NRG1: variants seen among roughly 807,000 people sequenced by gnomAD.
NRG1 encodes pro-neuregulin-1, membrane-bound isoform.
A neutral mutation model predicts 63.8 loss-of-function variants in NRG1; 18 were observed. The observed-to-expected ratio is 0.28, with a 90% confidence interval of 0.19 to 0.42. The LOEUF is 0.42. Among genes scored for constraint, NRG1 ranks in the 10% least tolerant of loss-of-function variants. NRG1 has a pLI of 1.00. For missense variants in NRG1, 762 were observed against 814.7 expected (o/e 0.94, Z 0.79); for synonymous variants, 302 against 301.3 (o/e 1.00, Z -0.02).
chr8:31,983,628 C>T (rs1452053775), intron 1 of NRG1, among the ~76,000 whole-genome samples: 1 of 151,954 alleles, frequency 6.6e-6, no homozygotes, highest in Non-Finnish European at 1.5e-5. Context: ...GTGATGTGCT[C>T]TGCTGGGTGC....
chr8:32,330,148 C>T (rs1802480253), intron 1 of NRG1, among the ~76,000 whole-genome samples: 3 of 148,550 alleles, frequency 2.0e-5, no homozygotes. Context: ...ATCCTCCTGC[C>T]TTACCTGGGA....
chr8:32,133,477 G>A (rs1198227276), intron 1 of NRG1, among the ~76,000 whole-genome samples: 1 of 152,036 alleles, frequency 6.6e-6, no homozygotes, highest in Non-Finnish European at 1.5e-5. Context: ...TACTCACTCA[G>A]GAGCTGAGAT....
intron 1 of NRG1, among the ~76,000 whole-genome samples, chr8:31,665,816 A>C (rs1295333175): frequency 6.6e-6 from 1 of 152,074 alleles, no homozygotes; most frequent in Non-Finnish European, 1.5e-5. Flanking sequence ...CATCTGTTTA[A>C]CTTTGCTAAT....
At chr8:32,139,856 G>A (rs1836015865) in intron 1 of NRG1, among the ~76,000 whole-genome samples, 1 of 152,210 alleles carries the variant, frequency 6.6e-6, no homozygotes, top group African/African-American at 2.4e-5. Context: ...TAAGACCCAT[G>A]TAGCTGACTT....
intron 1 of NRG1, among the ~76,000 whole-genome samples, chr8:31,753,758 C>A (rs1816706810): frequency 6.6e-6 from 1 of 152,056 alleles, no homozygotes; most frequent in South Asian, 2.1e-4. Flanking sequence ...AGTTTACTTG[C>A]TCTTCTTGCC....
intron 3 of NRG1, among the ~76,000 whole-genome samples, chr8:32,608,000 A>G (rs1464568534): frequency 6.6e-6 from 1 of 152,034 alleles, no homozygotes; most frequent in Non-Finnish European, 1.5e-5. Context: ...TCATTGTATT[A>G]AAAAAGAATA....
chr8:31,924,269 T>C (rs904598237), intron 1 of NRG1, among the ~76,000 whole-genome samples: 4 of 151,890 alleles, frequency 2.6e-5, no homozygotes, highest in Non-Finnish European at 4.4e-5. Context: ...GCAGGTCGCT[T>C]GAACCCAGGA....
intron 1 of NRG1, among the ~76,000 whole-genome samples, chr8:31,893,021 T>C (rs1831273253): frequency 6.6e-6 from 1 of 151,840 alleles, no homozygotes; most frequent in Non-Finnish European, 1.5e-5. Flanking sequence ...ATGAGCTTTA[T>C]GCTGAGTAAA....
At chr8:32,698,485 C>T (rs907120700) in intron 5 of NRG1, among the ~76,000 whole-genome samples, 10 of 152,116 alleles carry the variant, frequency 6.6e-5, no homozygotes, top group African/African-American at 2.4e-4. Flanking sequence ...AAGACATAAG[C>T]ACAGCATTAA....
rs569195368 is a variant in NRG1 at position 32,470,899 on chromosome 8, G to C, written c.38-124929G>C. Among the ~76,000 whole-genome samples, 31 of 152,038 alleles carry C rather than the reference G, an allele frequency of 2.0e-4. 1 individual carries two copies. The highest frequency in any genetic ancestry group is 3.7e-4 in the Non-Finnish European group (25 of 67,978). ...TGCAGCCTCAAATTCCTGGACTCAA[G>C]CTATTTTCCCGCCTTACCTTCCTGA... is the stretch of plus-strand genomic sequence containing the variant. On this transcript the variant is annotated intron_variant, in intron 1 of 10. Coordinates refer to the NRG1 transcript ENST00000519301.
chr8:32,039,901 G>A (rs1438039085), intron 1 of NRG1, among the ~76,000 whole-genome samples: 3 of 152,024 alleles, frequency 2.0e-5, no homozygotes, highest in Admixed American at 2.0e-4. Context: ...GTGTGTGAAT[G>A]TAGTCCAAGC....
intron 3 of NRG1, among the ~76,000 whole-genome samples, chr8:32,611,263 GA>G (rs1464778283): frequency 6.6e-6 from 1 of 151,954 alleles, no homozygotes; most frequent in East Asian, 1.9e-4. Flanking sequence ...GAGATGAGCA[GA>G]AAAATATTAT....
At chr8:32,705,792 G>A (rs1287460579) in intron 5 of NRG1, among the ~76,000 whole-genome samples, 1 of 152,148 alleles carries the variant, frequency 6.6e-6, no homozygotes, top group Admixed American at 6.5e-5. Context: ...CTTCAAGGTT[G>A]GAAGATGAAT....
At chr8:32,187,090 T>A (rs919714903) in intron 1 of NRG1, among the ~76,000 whole-genome samples, 1 of 152,202 alleles carries the variant, frequency 6.6e-6, no homozygotes, top group African/African-American at 2.4e-5. Context: ...TAACAGGACA[T>A]CCATGGCTGT....
At chr8:32,188,499 G>T (rs1193614878) in intron 1 of NRG1, among the ~76,000 whole-genome samples, 1 of 152,192 alleles carries the variant, frequency 6.6e-6, no homozygotes, top group Non-Finnish European at 1.5e-5. Flanking sequence ...GCATGGCGAA[G>T]GGGAAGGGAG....
chr8:32,737,994 T>C (rs80125462), intron 6 of NRG1, among the ~76,000 whole-genome samples: 1,563 of 152,130 alleles, frequency 0.01, 27 homozygotes, highest in African/African-American at 0.036. Flanking sequence ...TTTGATACAA[T>C]TGTGGATCAG....
intron 1 of NRG1, among the ~76,000 whole-genome samples, chr8:32,021,633 T>C (rs1056101996): frequency 1.3e-5 from 2 of 152,098 alleles, no homozygotes; most frequent in African/African-American, 4.8e-5. Context: ...GCTCTACTAA[T>C]GTGTAACCAG....
chr8:32,540,727 A>G (rs1588174648), intron 1 of NRG1, among the ~76,000 whole-genome samples: 1 of 152,268 alleles, frequency 6.6e-6, no homozygotes, highest in East Asian at 1.9e-4. Context: ...TCTGGGCGCC[A>G]AAGAATCCTA....
intron 5 of NRG1, among the ~76,000 whole-genome samples, chr8:32,723,294 G>T (rs1307439588): frequency 6.6e-6 from 1 of 152,094 alleles, no homozygotes; most frequent in African/African-American, 2.4e-5. Flanking sequence ...TCTATGAAGG[G>T]TTTCTTCTAG....
Sources: gnomAD v4.1 joint callset for allele counts (sites outside exome capture counted in the v4.1 genomes callset) on GRCh38, gnomAD v4.1.1 for gene constraint, MANE v1.5 for transcripts, NCBI Gene and HGNC (gene_info 2026-07-23, HGNC 2026-07-21) for gene names.